Variants in RBFOX1 observed in about 807,000 individuals in gnomAD.
The protein encoded by RBFOX1 is RNA binding fox-1 homolog 1.
Under a neutral mutation model 57.7 loss-of-function variants are expected in RBFOX1, and 8 were observed. The ratio of observed to expected loss-of-function variants is 0.14; its 90% CI spans 0.08 to 0.25. The LOEUF is 0.25. Ranked by LOEUF, RBFOX1 falls within the 10% of genes least tolerant of loss-of-function variation. RBFOX1 has a pLI of 1.00. For synonymous variants in RBFOX1, 326 were observed against 222.4 expected (o/e 1.47, Z -4.15); for missense variants, 611 against 548.5 (o/e 1.11, Z -1.14).
chr16:7,101,534 C>G (rs940362931), intron 4 of RBFOX1, among the ~76,000 whole-genome samples: 3 of 152,082 alleles, frequency 2.0e-5, no homozygotes, highest in African/African-American at 7.2e-5. Flanking sequence ...CAACCAAAAG[C>G]ATTCACAGAG....
At chr16:7,050,512 C>T (rs997385281) in intron 3 of RBFOX1, among the ~76,000 whole-genome samples, 44 of 152,030 alleles carry the variant, frequency 2.9e-4, no homozygotes, top group African/African-American at 9.7e-4. Context: ...ATGATCCACC[C>T]GCCTTGGCCT....
chr16:7,382,978 C>T (rs570861990), intron 4 of RBFOX1, among the ~76,000 whole-genome samples: 1 of 152,210 alleles, frequency 6.6e-6, no homozygotes, highest in South Asian at 2.1e-4. Context: ...GAACATCTAG[C>T]CAATGAGCTG....
intron 1 of RBFOX1, among the ~76,000 whole-genome samples, chr16:6,180,210 T>G (rs994646454): frequency 2.0e-5 from 3 of 152,156 alleles, no homozygotes; most frequent in Non-Finnish European, 4.4e-5. Context: ...TAATTCTTCT[T>G]TGAAATTTTG....
intron 2 of RBFOX1, among the ~76,000 whole-genome samples, chr16:6,555,870 T>G (rs939737183): frequency 3.9e-5 from 6 of 152,214 alleles, no homozygotes. Context: ...AGTGTCTGGT[T>G]ATTAGTCAAT....
chr16:7,189,728 G>C (rs1359932359), intron 4 of RBFOX1, among the ~76,000 whole-genome samples: 1 of 152,234 alleles, frequency 6.6e-6, no homozygotes, highest in African/African-American at 2.4e-5. Context: ...TAGGTCAGCA[G>C]TTCCCGTGGT....
chr16:6,864,004 T>TG (rs200710412), intron 3 of RBFOX1, among the ~76,000 whole-genome samples: 2 of 139,096 alleles, frequency 1.4e-5, no homozygotes, highest in Non-Finnish European at 3.2e-5. Context: ...TTTTTTTTTT[T>TG]GTTGAGATTA....
intron 1 of RBFOX1, among the ~76,000 whole-genome samples, chr16:6,206,507 G>T (rs769731514): frequency 2.0e-5 from 3 of 152,094 alleles, no homozygotes; most frequent in Non-Finnish European, 2.9e-5. Flanking sequence ...CTCCCTGATG[G>T]CAGAGGTATC....
chr16:7,410,158 C>T (rs879885621), intron 4 of RBFOX1, among the ~76,000 whole-genome samples: 5 of 151,254 alleles, frequency 3.3e-5, no homozygotes, highest in African/African-American at 4.8e-5. Flanking sequence ...TTTCCTACAG[C>T]GCAACTTAAT....
At chr16:7,413,686 C>A (rs933013163) in intron 4 of RBFOX1, among the ~76,000 whole-genome samples, 1 of 151,914 alleles carries the variant, frequency 6.6e-6, no homozygotes, top group African/African-American at 2.4e-5. Flanking sequence ...TATTCCTCAG[C>A]GGGTGTGGCA....
intron 1 of RBFOX1, among the ~76,000 whole-genome samples, chr16:5,241,866 C>A (rs1443677228): frequency 6.6e-6 from 1 of 151,604 alleles, no homozygotes; most frequent in African/African-American, 2.4e-5. Context: ...TTTGAGAGGC[C>A]GAAGGGGGAG....
At chr16:7,495,523 G>A (rs932634309) in intron 4 of RBFOX1, among the ~76,000 whole-genome samples, 37 of 152,282 alleles carry the variant, frequency 2.4e-4, no homozygotes, top group African/African-American at 5.8e-4. Context: ...TGACTGGTGC[G>A]AGATGGTATC....
intron 4 of RBFOX1, among the ~76,000 whole-genome samples, chr16:7,493,237 ACACT>A (rs994032749): frequency 4.8e-5 from 7 of 144,396 alleles, no homozygotes; most frequent in African/African-American, 8.8e-5. Context: ...ACAGACTAAC[ACACT>A]CAGTCAGACT....
chr16:7,695,664 A>AAG (rs2078583241), intron 14 of RBFOX1, among the ~76,000 whole-genome samples: 1 of 151,612 alleles, frequency 6.6e-6, no homozygotes, highest in Admixed American at 6.6e-5. Context: ...AAAAAAAAAA[A>AAG]AAAAAAAATC....
intron 4 of RBFOX1, among the ~76,000 whole-genome samples, chr16:7,227,015 G>A (rs542999814): frequency 6.6e-6 from 1 of 152,198 alleles, no homozygotes; most frequent in African/African-American, 2.4e-5. Flanking sequence ...GGCTAAAGTT[G>A]AGTTGTGGTT....
intron 2 of RBFOX1, among the ~76,000 whole-genome samples, chr16:6,644,739 C>T (rs183407113): frequency 8.7e-4 from 132 of 152,266 alleles, no homozygotes; most frequent in African/African-American, 3.0e-3. Context: ...TGTGGAAACA[C>T]CTGGGCCCTG....
intron 3 of RBFOX1, among the ~76,000 whole-genome samples, chr16:6,674,791 C>G (rs982103580): frequency 1.3e-5 from 2 of 152,208 alleles, no homozygotes; most frequent in African/African-American, 4.8e-5. Flanking sequence ...GGATTCTTTC[C>G]TAGAGTCCCC....
At chr16:5,258,761 C>A (rs1248642353) in intron 1 of RBFOX1, among the ~76,000 whole-genome samples, 2 of 152,026 alleles carry the variant, frequency 1.3e-5, no homozygotes, top group East Asian at 1.9e-4. Flanking sequence ...ATTAAACATA[C>A]AAAAATTAGC....
intron 4 of RBFOX1, among the ~76,000 whole-genome samples, chr16:7,511,881 G>A (rs2075192879): frequency 6.7e-6 from 1 of 149,300 alleles, no homozygotes; most frequent in Non-Finnish European, 1.5e-5. Context: ...CTTAAAGCGT[G>A]AGATCTTGGC....
At chr16:5,881,600 A>C (rs1029065240) in intron 4 of RBFOX1, among the ~76,000 whole-genome samples, 40 of 152,300 alleles carry the variant, frequency 2.6e-4, no homozygotes, top group Admixed American at 1.2e-3. Context: ...GGAGCATTTG[A>C]ACCTGGGAGG....
Sources: gnomAD v4.1 joint callset for allele counts (sites outside exome capture counted in the v4.1 genomes callset) on GRCh38, gnomAD v4.1.1 for gene constraint, MANE v1.5 for transcripts, NCBI Gene and HGNC (gene_info 2026-07-23, HGNC 2026-07-21) for gene names.